The following EHHADH variants were observed in gnomAD, a reference collection of about 807,000 sequenced individuals.
EHHADH encodes the protein enoyl-CoA hydratase and 3-hydroxyacyl CoA dehydrogenase.
A neutral mutation model predicts 64.4 loss-of-function variants in EHHADH; 48 were observed. That is an observed-to-expected ratio of 0.75 (90% confidence interval 0.59 to 0.95). The LOEUF is 0.95. EHHADH is among the 40% of genes least tolerant of loss of function. The probability of loss-of-function intolerance (pLI) is 0.00; values close to 1 mark genes in which losing one functional copy is unlikely to be tolerated. For missense variants in EHHADH, 854 were observed against 876.6 expected, an observed-to-expected ratio of 0.97 and a Z score of 0.33; for synonymous variants, 308 against 326.7, an observed-to-expected ratio of 0.94 and a Z score of 0.62.
chr3:185,253,778 A>AAAAGG (rs1176104645), intron 1 of EHHADH, 171 bp downstream of exon 1: 562 of 1,332,108 alleles, frequency 4.2e-4, no homozygotes, highest in Non-Finnish European at 5.2e-4. Context: ...AAAAAAAAAG[A>AAAAGG]AAAGAAAAAG....
At chr3:185,206,228 A>G (rs1718386043) in intron 5 of EHHADH, among the ~76,000 whole-genome samples, 1 of 152,122 alleles carries the variant, frequency 6.6e-6, no homozygotes, top group Admixed American at 6.6e-5. Context: ...CCTCAAAAGG[A>G]GAATCTTTCA....
At chr3:185,234,712 T>C (rs1211464363) in intron 3 of EHHADH, among the ~76,000 whole-genome samples, 5 of 151,532 alleles carry the variant, frequency 3.3e-5, no homozygotes, top group African/African-American at 1.2e-4. Context: ...CTGTAGTTGA[T>C]GGATCATAGA....
rs1354910092 is a variant in EHHADH, at chr3:185,192,359, T to C, written c.2039A>G (p.Gln680Arg). The part of the protein sequence containing the change: ...VGLPTVLEKL[Q>R]KYYRQNPDIP... ...ATCAGGGTTCTGCCTGTAATATTTC[T>C]GCAATTTCTCTAGAACTGTGGGCAA... Residue 680 changes from glutamine (Q) to arginine (R), a missense_variant, in exon 7 of 7, where the codon CAG becomes CGG. Gln to Arg is a conservative substitution (Grantham distance 43). Transcript: ENST00000231887. 8.1e-6 allele frequency: 13 copies of C among 1,614,220 alleles called. No individual in the cohort carries two copies. The highest frequency in any genetic ancestry group is 1.6e-4 in the Middle Eastern group (1 of 6,062).
In EHHADH at chr3:185,216,853, AC is replaced by A. The variant is rs1004831902; in HGVS notation, c.568+1282del. Among the ~76,000 whole-genome samples the A allele has an allele frequency of 6.6e-6, 1 of 151,956 alleles. No homozygotes were observed. The highest frequency in any genetic ancestry group is 2.4e-5 in the African/African-American group (1 of 41,340). ...CAATTATTTTTTTCTGGCTATTTTT[AC>A]CCTCTCCATCTTGCTCATTTAAAGA... On this transcript the variant is annotated intron_variant, in intron 5 of 6. Coordinates refer to ENST00000231887, the MANE Select transcript of EHHADH (RefSeq NM_001966.4). The surrounding 1 kb of genome is among the most constrained non-coding windows in gnomAD (Gnocchi z 5.3).
At chr3:185,196,922 G>C (rs1307493316) in intron 6 of EHHADH, among the ~76,000 whole-genome samples, 1 of 151,876 alleles carries the variant, frequency 6.6e-6, no homozygotes, top group Non-Finnish European at 1.5e-5. Flanking sequence ...GGATTGCTTG[G>C]GCTCAGGAGG....
chr3:185,249,580 T>C lies in EHHADH; in HGVS notation c.75-1063A>G, dbSNP rs936554367. ...CTCAGGAGATCTAGTGGTTTATAAG[T>C]TGCAGTTTCCCCTGCACTCATGCCT... On this transcript the variant is annotated intron_variant, in intron 1 of 6. Transcript: ENST00000231887. Among the ~76,000 whole-genome samples the C allele has an allele frequency of 3.9e-5, 6 of 152,312 alleles. No homozygotes were observed. The Middle Eastern group carries it at 0.01, about 259-fold the overall frequency.
chr3:185,246,225 T>C (rs1719591188), intron 2 of EHHADH: 2 of 920,620 alleles, frequency 2.2e-6, no homozygotes, highest in South Asian at 1.4e-5. Context: ...ATTAAAGAAG[T>C]TCAAGTCATC....
chr3:185,236,365 C>CCCCCCCCCCCCCCAGGCCTGCA (rs1719294573), intron 2 of EHHADH, among the ~76,000 whole-genome samples: 1 of 134,284 alleles, frequency 7.4e-6, no homozygotes, highest in Non-Finnish European at 1.6e-5. Flanking sequence ...CAATCCCTGC[C>CCCCCCCCCCCCCCAGGCCTGCA]CCCCCACCCT....
At chr3:185,253,729 T>C in intron 1 of EHHADH, 1 of 1,080,894 alleles carries the variant, frequency 9.3e-7, no homozygotes, top group Non-Finnish European at 1.2e-6. Flanking sequence ...GGACGAGAGT[T>C]CCCTGCGAAG....
At chr3:185,214,613 G>T (rs115456824) in intron 5 of EHHADH, among the ~76,000 whole-genome samples, 1 of 151,992 alleles carries the variant, frequency 6.6e-6, no homozygotes, top group Non-Finnish European at 1.5e-5. Flanking sequence ...TTGTTACATC[G>T]CCTTATAGTT....
At chr3:185,248,369 T>C (rs1031432105) in intron 2 of EHHADH, 45 bp downstream of exon 2, 2 of 1,372,074 alleles carry the variant, frequency 1.5e-6, no homozygotes, top group Non-Finnish European at 2.1e-6. Flanking sequence ...TCTCAGTCTG[T>C]GGCTGGATTC....
intron 1 of EHHADH, among the ~76,000 whole-genome samples, chr3:185,249,350 G>C (rs544858663): frequency 1.2e-4 from 19 of 152,170 alleles, no homozygotes; most frequent in Non-Finnish European, 7.4e-5. Context: ...GGATGTTCTC[G>C]ATCTCTTGAG....
At chr3:185,235,235 T>C in intron 3 of EHHADH, 55 bp downstream of exon 3, 21 of 1,473,696 alleles carry the variant, frequency 1.4e-5, no homozygotes, top group Non-Finnish European at 1.5e-5. Context: ...CATTTAGAGT[T>C]TGCCCTAAAG....
At chr3:185,222,434 CTTT>C (rs1718862591) in intron 4 of EHHADH, among the ~76,000 whole-genome samples, 1 of 152,164 alleles carries the variant, frequency 6.6e-6, no homozygotes. Flanking sequence ...AAAAATGTTT[CTTT>C]ATTAGTTCAT....
intron 2 of EHHADH, among the ~76,000 whole-genome samples, chr3:185,242,068 T>A (rs985936616): frequency 1.3e-5 from 2 of 152,078 alleles, no homozygotes. Context: ...CAATAACTCA[T>A]CCCCTTTTAA....
intron 2 of EHHADH, among the ~76,000 whole-genome samples, chr3:185,237,300 A>G (rs1328647759): frequency 6.6e-6 from 1 of 152,194 alleles, no homozygotes; most frequent in Non-Finnish European, 1.5e-5. Context: ...ACATTATTGT[A>G]TCTTCTGAAT....
chr3:185,240,420 T>A (rs894144733), intron 2 of EHHADH, among the ~76,000 whole-genome samples: 3 of 152,114 alleles, frequency 2.0e-5, no homozygotes, highest in African/African-American at 2.4e-5. Context: ...GGTCAAAAAA[T>A]TTTTTATTAC....
chr3:185,200,924 G>T (rs1340936197), intron 6 of EHHADH, among the ~76,000 whole-genome samples: 6 of 152,248 alleles, frequency 3.9e-5, no homozygotes, highest in Non-Finnish European at 1.5e-5. Flanking sequence ...CAATGGAAGG[G>T]CAATGAATCA....
chr3:185,214,888 T>C (rs892903514), intron 5 of EHHADH, among the ~76,000 whole-genome samples: 2 of 152,206 alleles, frequency 1.3e-5, no homozygotes, highest in African/African-American at 4.8e-5. Context: ...ATACAAATCT[T>C]TGTGTATTTA....
Sources: gnomAD v4.1 joint callset for allele counts (sites outside exome capture counted in the v4.1 genomes callset) on GRCh38, gnomAD v4.1.1 for gene constraint, Gnocchi (gnomAD v3.1) non-coding constraint, MANE v1.5 for transcripts, NCBI Gene and HGNC (gene_info 2026-07-23, HGNC 2026-07-21) for gene names.